FBLN1: variants seen among roughly 807,000 people sequenced by gnomAD.
FBLN1 encodes fibulin-1.
FBLN1 carries 34 observed loss-of-function variants against 89.7 expected under a neutral mutation model. That is an observed-to-expected ratio of 0.38 (90% CI 0.29 to 0.50). FBLN1 has a LOEUF of 0.50. FBLN1 is among the 20% of genes least tolerant of loss of function. FBLN1 has a pLI of 0.92. For missense variants in FBLN1, 777 were observed against 988.1 expected (o/e 0.79, Z 2.86); for synonymous variants, 393 against 391.3 (o/e 1.00, Z -0.05).
At chr22:45,548,108 GTACAAAC>G (rs2088655005) in intron 12 of FBLN1, among the ~76,000 whole-genome samples, 1 of 152,166 alleles carries the variant, frequency 6.6e-6, no homozygotes, top group South Asian at 2.1e-4. Context: ...GAGGGCAGTG[GTACAAAC>G]ACGGCTCACT....
chr22:45,543,258 T>A, intron 10 of FBLN1, 143 bp from the exon 11 acceptor site: 1 of 1,017,932 alleles, frequency 9.8e-7, no homozygotes, highest in South Asian at 1.4e-5. Context: ...AGAGCGAGAC[T>A]CCATCTCAAA....
chr22:45,533,962 G>T, intron 7 of FBLN1, 64 bp downstream of exon 7: 1 of 1,603,872 alleles, frequency 6.2e-7, no homozygotes. Context: ...GCGGTGGGAA[G>T]GGCAGCTCTG....
At chr22:45,558,714 T>C (rs2088818942) in intron 14 of FBLN1, 1 of 152,634 alleles carries the variant, frequency 6.6e-6, no homozygotes, top group Admixed American at 6.5e-5. Context: ...ATAGGCCCAC[T>C]AGGCGTTGTG....
chr22:45,559,667 C>T (rs1018501977), intron 14 of FBLN1, among the ~76,000 whole-genome samples: 3 of 152,208 alleles, frequency 2.0e-5, no homozygotes, highest in Non-Finnish European at 4.4e-5. Context: ...TACCTGACCT[C>T]CTTAAGCCCC....
intron 14 of FBLN1, among the ~76,000 whole-genome samples, chr22:45,560,150 G>T (rs2088834631): frequency 6.6e-6 from 1 of 152,196 alleles, no homozygotes; most frequent in African/African-American, 2.4e-5. Flanking sequence ...TGCCTCTGCT[G>T]TCCATTACAG....
Position 45,576,907 on chromosome 22 carries a change from T to G in FBLN1, c.1841-70T>G. ...TCTTCATTCCCCAAGGGTGAGTTCC[T>G]GGGGACGAGGCTGGGACTGGGGCTG... is the stretch of plus-strand genomic sequence containing the variant. On this transcript the variant is annotated intron_variant, in intron 15 of 16. Coordinates refer to ENST00000327858, the MANE Select transcript of FBLN1 (RefSeq NM_006486.3). This position sits in a 1 kb window ranked among gnomAD's most constrained non-coding sequence, Gnocchi z 5.2. 3 of 1,598,710 alleles carry G rather than the reference T, an allele frequency of 1.9e-6. No homozygotes were observed. Among genetic ancestry groups the G allele is most frequent in the Non-Finnish European group, 2.6e-6 (3 of 1,172,578 alleles).
chr22:45,584,194 C>G (rs908752808), intron 16 of FBLN1, among the ~76,000 whole-genome samples: 8 of 152,160 alleles, frequency 5.3e-5, no homozygotes, highest in Non-Finnish European at 1.0e-4. Flanking sequence ...GGATGAGAAG[C>G]CGGCACAACA....
At chr22:45,599,483 C>G (rs1034750487) in intron 16 of FBLN1, among the ~76,000 whole-genome samples, 1 of 152,082 alleles carries the variant, frequency 6.6e-6, no homozygotes, top group Non-Finnish European at 1.5e-5. Flanking sequence ...CCATTGCAGT[C>G]CTCAGATGTT....
chr22:45,509,815 G>A (rs2088073986), intron 1 of FBLN1, among the ~76,000 whole-genome samples: 1 of 151,988 alleles, frequency 6.6e-6, no homozygotes, highest in East Asian at 1.9e-4. Flanking sequence ...CAGGCTTTTC[G>A]GTTCCTTGGT....
chr22:45,575,796 G>T lies in FBLN1; in HGVS notation c.1840+1143G>T, dbSNP rs969924785. On this transcript the variant is annotated intron_variant, in intron 15 of 16. Coordinates refer to ENST00000327858, the MANE Select transcript of FBLN1 (RefSeq NM_006486.3). This position sits in a 1 kb window ranked among gnomAD's most constrained non-coding sequence, Gnocchi z 6.3. ...GATGGAGCATTGTCCTGTTCACCTC[G>T]CTTCCTGGCTGTGCTGCCCGTGTGC... Among the ~76,000 whole-genome samples, 4 of 152,184 alleles carry T rather than the reference G, an allele frequency of 2.6e-5. No homozygotes were observed. The highest frequency in any genetic ancestry group is 2.0e-4 in the Admixed American group (3 of 15,288).
chr22:45,545,966 C>T lies in FBLN1; in HGVS notation c.1322-1119C>T, dbSNP rs143857749. Among the ~76,000 whole-genome samples the T allele has an allele frequency of 1.5e-3, 235 of 152,110 alleles. No homozygotes were observed. The highest frequency in any genetic ancestry group is 5.3e-3 in the African/African-American group (220 of 41,480). On this transcript the variant is annotated intron_variant, in intron 11 of 16. Transcript: ENST00000327858. This position sits in a 1 kb window ranked among gnomAD's most constrained non-coding sequence, Gnocchi z 5.9. ...AGTTCGAGACCAGTATGGCCAACAT[C>T]GTGAAACCCTGTGTCTACTAAAAAT... is the stretch of plus-strand genomic sequence containing the variant.
At chr22:45,512,086 G>A (rs79859488) in intron 1 of FBLN1, among the ~76,000 whole-genome samples, 1,841 of 151,900 alleles carry the variant, frequency 0.012, 45 homozygotes, top group African/African-American at 0.043. Context: ...AGTTACCAGC[G>A]AGTGCCTGTT....
chr22:45,518,089 G>A (rs909239214), intron 1 of FBLN1, among the ~76,000 whole-genome samples: 3 of 138,004 alleles, frequency 2.2e-5, no homozygotes, highest in South Asian at 2.2e-4. Context: ...CTCAGATCGC[G>A]CCATTGCACT....
At position 45,574,875 on chromosome 22, in the gene FBLN1, G is replaced by A. The variant is rs368623040; in HGVS notation, c.1840+222G>A. Among the ~76,000 whole-genome samples, 4 of 145,492 alleles carry A rather than the reference G, an allele frequency of 2.7e-5. No individual in the cohort carries two copies. Among genetic ancestry groups the A allele is most frequent in the Admixed American group, 7.1e-5 (1 of 14,114 alleles). ...CGGCTCACTGCAAGCTCCACCTCCC[G>A]GGTTCACGCCATTCTCCTGCCTCAG... On this transcript the variant is annotated intron_variant, in intron 15 of 16. Coordinates refer to ENST00000327858, the MANE Select transcript of FBLN1 (RefSeq NM_006486.3). This position sits in a 1 kb window ranked among gnomAD's most constrained non-coding sequence, Gnocchi z 4.1.
At chr22:45,538,450 A>G (rs955984825) in intron 8 of FBLN1, among the ~76,000 whole-genome samples, 1 of 151,940 alleles carries the variant, frequency 6.6e-6, no homozygotes, top group Non-Finnish European at 1.5e-5. Flanking sequence ...CTCCCTTGAG[A>G]CTTTTTGTTT....
intron 1 of FBLN1, among the ~76,000 whole-genome samples, chr22:45,518,014 C>A (rs8135013): frequency 0.28 from 42,226 of 151,274 alleles, 6,683 homozygotes; most frequent in East Asian, 0.55. Context: ...CACCTGTAAT[C>A]CCAGCTACTC....
chr22:45,530,949 A>G lies in FBLN1; in HGVS notation c.485-316A>G, dbSNP rs2088398050. ...TGGCTAATTTTTGTATTTTTAGTAG[A>G]GACAGCATTTCACCGTGTTGGCCAG... On this transcript the variant is annotated intron_variant, in intron 4 of 16. Transcript: ENST00000327858. The surrounding 1 kb of genome is among the most constrained non-coding windows in gnomAD (Gnocchi z 5.4). Among the ~76,000 whole-genome samples the G allele has an allele frequency of 6.6e-6, 1 of 152,062 alleles. No individual in the cohort carries two copies. The highest frequency in any genetic ancestry group is 2.4e-5 in the African/African-American group (1 of 41,404).
At chr22:45,560,167 C>T (rs2088834803) in intron 14 of FBLN1, among the ~76,000 whole-genome samples, 1 of 152,224 alleles carries the variant, frequency 6.6e-6, no homozygotes, top group Admixed American at 6.5e-5. Context: ...ACAGAAGCTA[C>T]ACCCACCTTG....
intron 14 of FBLN1, among the ~76,000 whole-genome samples, chr22:45,568,027 A>T (rs2088913702): frequency 6.6e-6 from 1 of 152,188 alleles, no homozygotes; most frequent in Non-Finnish European, 1.5e-5. Flanking sequence ...CCCTAAGGTC[A>T]GAGTCTCACA....
Sources: gnomAD v4.1 joint callset for allele counts (sites outside exome capture counted in the v4.1 genomes callset) on GRCh38, gnomAD v4.1.1 for gene constraint, Gnocchi (gnomAD v3.1) non-coding constraint, MANE v1.5 for transcripts, NCBI Gene and HGNC (gene_info 2026-07-23, HGNC 2026-07-21) for gene names.